Variants in LARGE1 observed in about 807,000 individuals in gnomAD.
The protein encoded by LARGE1 is xylosyl- and glucuronyltransferase LARGE1.
In LARGE1, 43 loss-of-function variants were observed where a neutral mutation model predicts 87.6. The observed-to-expected ratio is 0.49, with a 90% CI of 0.38 to 0.63. The LOEUF is 0.63. Among genes scored for constraint, LARGE1 ranks in the 30% least tolerant of loss-of-function variants. LARGE1 has a pLI of 0.00. For synonymous variants in LARGE1, 434 were observed against 394.6 expected (o/e 1.10, Z -1.18); for missense variants, 802 against 1,000.2 (o/e 0.80, Z 2.67).
chr22:33,195,462 T>G (rs1924014391), intron 11 of LARGE1, among the ~76,000 whole-genome samples: 1 of 152,014 alleles, frequency 6.6e-6, no homozygotes. Flanking sequence ...ATTAAAAGAT[T>G]GAAATTACCC....
Position 33,839,598 on chromosome 22 carries a change from C to T in LARGE1, c.-82-78040G>A, listed in dbSNP as rs568612083. Among the ~76,000 whole-genome samples the T allele has an allele frequency of 5.9e-5, 9 of 152,272 alleles. No homozygotes were observed. In the South Asian group the frequency reaches 1.2e-3, roughly 21 times the overall value. ...CCAATAGAGAACATTCTCATTCTACCGCAGCCTGTATAGATCACAAAAACA... is the reference window on the plus strand; with the variant it reads ...CCAATAGAGAACATTCTCATTCTACTGCAGCCTGTATAGATCACAAAAACA... On this transcript the variant is annotated intron_variant, in intron 1 of 14. Coordinates refer to ENST00000397394, the MANE Select transcript of LARGE1 (RefSeq NM_133642.5).
intron 1 of LARGE1, among the ~76,000 whole-genome samples, chr22:33,864,913 C>G (rs2064041613): frequency 6.6e-6 from 1 of 152,218 alleles, no homozygotes; most frequent in Admixed American, 6.5e-5. Context: ...CGCTCACTCT[C>G]TCACATGTCT....
At chr22:33,857,844 A>G (rs1601791294) in intron 1 of LARGE1, among the ~76,000 whole-genome samples, 3 of 152,212 alleles carry the variant, frequency 2.0e-5, no homozygotes, top group Admixed American at 1.3e-4. Context: ...CGATTCCTCA[A>G]GGATCTAGAA....
At chr22:33,585,447 G>A (rs1258548897) in intron 5 of LARGE1, among the ~76,000 whole-genome samples, 1 of 152,188 alleles carries the variant, frequency 6.6e-6, no homozygotes, top group Non-Finnish European at 1.5e-5. Flanking sequence ...CTTGGCCAAT[G>A]TACATGAAGC....
rs562355098 is a variant in LARGE1 at position 33,761,296 on chromosome 22, T to C, written c.106+75A>G. The C allele has an allele frequency of 4.7e-5, 57 of 1,203,120 alleles. No homozygotes were observed. In the Middle Eastern group the frequency reaches 3.4e-3, roughly 72 times the overall value. 74.5% of individuals were successfully genotyped at this position (1,203,120 alleles called of 1,614,324 possible). A position where few individuals can be genotyped will look rare whatever the true frequency, so the allele number is the denominator to read the frequency against. ...TATTCCTATTAGATGGCTTTGAGTT[T>C]CTTTTCTAGGGTTCTATGACAGCTA... On this transcript the variant is annotated intron_variant, in intron 2 of 14. Coordinates refer to ENST00000397394, the MANE Select transcript of LARGE1 (RefSeq NM_133642.5).
intron 2 of LARGE1, among the ~76,000 whole-genome samples, chr22:33,712,444 T>A (rs1428946050): frequency 6.6e-6 from 1 of 152,066 alleles, no homozygotes; most frequent in African/African-American, 2.4e-5. Flanking sequence ...ACTGAGGCCA[T>A]GAACCCACTG....
intron 7 of LARGE1, among the ~76,000 whole-genome samples, chr22:33,416,160 A>C (rs959367282): frequency 6.6e-6 from 1 of 152,226 alleles, no homozygotes; most frequent in Non-Finnish European, 1.5e-5. Context: ...GATTTGCCCA[A>C]GACCATTCAG....
At chr22:33,329,756 T>C (rs1274152920) in intron 10 of LARGE1, among the ~76,000 whole-genome samples, 1 of 152,128 alleles carries the variant, frequency 6.6e-6, no homozygotes, top group African/African-American at 2.4e-5. Flanking sequence ...CCTGTCCAAA[T>C]TGGTTAAAAC....
At chr22:33,876,289 C>A (rs1305434373) in intron 1 of LARGE1, among the ~76,000 whole-genome samples, 1 of 151,866 alleles carries the variant, frequency 6.6e-6, no homozygotes, top group African/African-American at 2.4e-5. Flanking sequence ...GGGATTTGCT[C>A]AAAAGTGTGG....
the LARGE1 span, among the ~76,000 whole-genome samples, chr22:33,082,051 A>C: frequency 6.6e-6 from 1 of 152,232 alleles, no homozygotes; most frequent in Non-Finnish European, 1.5e-5. Context: ...TGTAGGGTCT[A>C]GTTTTACCCT....
Position 33,281,392 on chromosome 22 carries a change from A to T in LARGE1, c.1877+1810T>A, listed in dbSNP as rs148424594. 8.9e-5 allele frequency among the ~76,000 whole-genome samples: 9 copies of T among 100,798 alleles called. No individual in the cohort carries two copies. In the South Asian group the frequency reaches 2.5e-3, roughly 28 times the overall value. The allele number at this position is 100,798 out of a possible 152,430, so 66.1% of individuals were successfully genotyped here. A position where few individuals can be genotyped will look rare whatever the true frequency, so the allele number is the denominator to read the frequency against. ...TACTCTGCATCTTTAAACACTGGTTAAAAAAAAAAAAATTCAGGACTCAAT... is the reference window on the plus strand; with the variant it reads ...TACTCTGCATCTTTAAACACTGGTTTAAAAAAAAAAAATTCAGGACTCAAT... On this transcript the variant is annotated intron_variant, in intron 13 of 14. Transcript: ENST00000397394.
intron 4 of LARGE1, among the ~76,000 whole-genome samples, chr22:33,614,027 G>A (rs1313656349): frequency 1.3e-5 from 2 of 151,984 alleles, no homozygotes; most frequent in Non-Finnish European, 2.9e-5. Context: ...CTCAAGTCCT[G>A]AAAGGCAGCT....
chr22:33,693,877 C>T lies in LARGE1; in HGVS notation c.107-43209G>A, dbSNP rs117438669. Among the ~76,000 whole-genome samples, 803 of 152,176 alleles carry T rather than the reference C, an allele frequency of 5.3e-3. 3 individuals are homozygous for T. Among genetic ancestry groups the T allele is most frequent in the Non-Finnish European group, 8.1e-3 (552 of 67,984 alleles). ...GAAAAAAGAAAAGAAAACCTCAACC[C>T]AGAAGCACGCTGTAGGGTGTGCCTG... is the stretch of plus-strand genomic sequence containing the variant. On this transcript the variant is annotated intron_variant, in intron 2 of 14. Transcript: ENST00000397394.
intron 10 of LARGE1, among the ~76,000 whole-genome samples, chr22:33,326,864 C>T (rs760790315): frequency 1.3e-5 from 2 of 152,156 alleles, no homozygotes; most frequent in East Asian, 1.9e-4. Context: ...AAGGGGAAAC[C>T]GTGGCCCAGA....
At chr22:33,678,676 A>G (rs556973831) in intron 2 of LARGE1, among the ~76,000 whole-genome samples, 4 of 152,296 alleles carry the variant, frequency 2.6e-5, no homozygotes, top group Non-Finnish European at 5.9e-5. Context: ...ATCTCTCAGC[A>G]TTTCTTAATG....
At chr22:33,862,019 C>G (rs769464325) in intron 1 of LARGE1, among the ~76,000 whole-genome samples, 2 of 151,918 alleles carry the variant, frequency 1.3e-5, no homozygotes, top group Non-Finnish European at 2.9e-5. Context: ...CCACCATGCC[C>G]GGCTCATTTT....
In LARGE1 at chr22:33,433,891, T is replaced by C. The variant is rs1414269575; in HGVS notation, c.788-1626A>G. On this transcript the variant is annotated intron_variant, in intron 6 of 14. Transcript: ENST00000397394. ...CTCCCTGAAATGATGGTGTGTGGGT[T>C]TGGGGTAATATATTCGATCAATTTT... Among the ~76,000 whole-genome samples, 5 of 152,322 alleles carry C rather than the reference T, an allele frequency of 3.3e-5. No individual in the cohort carries two copies. The East Asian group carries it at 9.7e-4, about 29-fold the overall frequency.
chr22:33,663,903 T>C (rs1247397878), intron 2 of LARGE1, among the ~76,000 whole-genome samples: 3 of 152,300 alleles, frequency 2.0e-5, no homozygotes, highest in East Asian at 3.9e-4. Context: ...TTTGGTGAAT[T>C]ACCATGGACC....
intron 6 of LARGE1, among the ~76,000 whole-genome samples, chr22:33,457,417 A>G (rs1392116755): frequency 2.7e-5 from 4 of 149,672 alleles, no homozygotes; most frequent in African/African-American, 9.8e-5. Context: ...CAGGGCTCCC[A>G]AAGTGCTGGG....
Sources: allele counts gnomAD v4.1 joint callset (sites outside exome capture counted in the v4.1 genomes callset), GRCh38; gene constraint gnomAD v4.1.1; transcripts MANE v1.5; gene names NCBI Gene and HGNC (gene_info 2026-07-23, HGNC 2026-07-21).